DR1: variants seen among roughly 807,000 people sequenced by gnomAD.
DR1 encodes the protein down-regulator of transcription 1.
Under a neutral mutation model 19.9 loss-of-function variants are expected in DR1, and 7 were observed. The ratio of observed to expected loss-of-function variants is 0.35; its 90% CI spans 0.20 to 0.66. The LOEUF (loss-of-function observed/expected upper bound fraction) is 0.66, where lower values mean the gene tolerates loss of function less well. Among genes scored for constraint, DR1 ranks in the 30% least tolerant of loss-of-function variants. The probability of loss-of-function intolerance (pLI) is 0.66; values close to 1 mark genes in which losing one functional copy is unlikely to be tolerated. For synonymous variants in DR1, 76 were observed against 72.5 expected (o/e 1.05, Z -0.24); for missense variants, 98 against 203.7 (o/e 0.48, Z 3.16).
rs1191321666 is a variant in DR1 at position 93,363,348 on chromosome 1, A to AATT, written c.*2710_*2711insTTA. On this transcript the variant is annotated 3_prime_UTR_variant, in exon 3 of 3. Transcript: ENST00000370272. ...TTAGTTTCTTGTTGCCACTGTAACAAACTACCACAAACTTAGTGACTTAAA... is the reference window on the plus strand; with the variant it reads ...TTAGTTTCTTGTTGCCACTGTAACAAATTACTACCACAAACTTAGTGACTTAAA... The AATT allele has an allele frequency of 2.0e-5, 3 of 152,252 alleles. No homozygotes were observed. The highest frequency in any genetic ancestry group is 2.9e-5 in the Non-Finnish European group (2 of 68,090). The allele number at this position is 152,252 out of a possible 1,614,324, so 9.4% of individuals were successfully genotyped here. A position where few individuals can be genotyped will look rare whatever the true frequency, so the allele number is the denominator to read the frequency against.
intron 1 of DR1, among the ~76,000 whole-genome samples, chr1:93,347,089 G>T (rs1345234426): frequency 6.6e-6 from 1 of 152,180 alleles, no homozygotes; most frequent in Non-Finnish European, 1.5e-5. Context: ...AAACATTTAG[G>T]TCAGCGTCCC....
rs1667083695 is a variant in DR1 at position 93,363,576 on chromosome 1, G to A, written c.*2937G>A. The A allele has an allele frequency of 6.6e-6, 1 of 152,176 alleles. No individual in the cohort carries two copies. Among genetic ancestry groups the A allele is most frequent in the South Asian group, 2.1e-4 (1 of 4,830 alleles). 9.4% of individuals were successfully genotyped at this position (152,176 alleles called of 1,614,324 possible). On this transcript the variant is annotated 3_prime_UTR_variant, in exon 3 of 3. Coordinates refer to ENST00000370272, the MANE Select transcript of DR1 (RefSeq NM_001938.3). The stretch of plus-strand genomic sequence containing the variant: ...CTCTCTATGATCAAAGCTTGCTTTT[G>A]TCATTATATCATCTTCTCTTCTGTA...
intron 1 of DR1, among the ~76,000 whole-genome samples, chr1:93,351,375 T>TA (rs968215871): frequency 5.3e-5 from 8 of 151,440 alleles, no homozygotes; most frequent in Admixed American, 4.6e-4. Context: ...GTTATATATT[T>TA]AAAAAAAATT....
chr1:93,352,891 ATTTTTT>A (rs66850500), intron 1 of DR1, among the ~76,000 whole-genome samples: 327 of 139,450 alleles, frequency 2.3e-3, no homozygotes, highest in Middle Eastern at 3.8e-3. Context: ...GGGTGTGTGA[ATTTTTT>A]TTTTTTTTTT....
Position 93,363,902 on chromosome 1 carries a change from T to C in DR1, c.*3263T>C, listed in dbSNP as rs1337227017. On this transcript the variant is annotated 3_prime_UTR_variant, in exon 3 of 3. Coordinates refer to ENST00000370272, the MANE Select transcript of DR1 (RefSeq NM_001938.3). ...CAAAAGTTATTCATTCTCCCATTAA[T>C]AGTCTTTTGAGAATTTTTCAATTCT... 1 of 152,224 alleles carries C rather than the reference T, an allele frequency of 6.6e-6. No individual in the cohort carries two copies. The highest frequency in any genetic ancestry group is 1.5e-5 in the Non-Finnish European group (1 of 68,038). The allele number at this position is 152,224 out of a possible 1,614,324, so 9.4% of individuals were successfully genotyped here. A position where few individuals can be genotyped will look rare whatever the true frequency, so the allele number is the denominator to read the frequency against.
chr1:93,359,148 T>TA (rs1203704046), intron 2 of DR1, among the ~76,000 whole-genome samples: 11 of 152,248 alleles, frequency 7.2e-5, no homozygotes, highest in Non-Finnish European at 1.2e-4. Context: ...TGATTTTTTT[T>TA]AAAAAAATGA....
At chr1:93,351,923 T>C (rs1470460677) in intron 1 of DR1, among the ~76,000 whole-genome samples, 2 of 152,222 alleles carry the variant, frequency 1.3e-5, no homozygotes, top group Admixed American at 1.3e-4. Flanking sequence ...GGTACTCTTT[T>C]AAATTTAAAA....
chr1:93,353,330 C>T (rs1666940813), intron 1 of DR1, among the ~76,000 whole-genome samples: 1 of 151,506 alleles, frequency 6.6e-6, no homozygotes, highest in Non-Finnish European at 1.5e-5. Context: ...TTTATTTTTC[C>T]TGTTAAGTTT....
chr1:93,359,830 T>C (rs1038968832), intron 2 of DR1, among the ~76,000 whole-genome samples: 1 of 152,164 alleles, frequency 6.6e-6, no homozygotes, highest in Non-Finnish European at 1.5e-5. Flanking sequence ...AAGTAGTATC[T>C]TTTTACTAGT....
Position 93,367,866 on chromosome 1 carries a change from G to C in DR1, c.*7227G>C, listed in dbSNP as rs1037387596. ...ATCTGTGCTAAAATACAAAAAATTA[G>C]CCAGGCTTGGTGGTGTGCACCTGTA... On this transcript the variant is annotated 3_prime_UTR_variant, in exon 3 of 3. Transcript: ENST00000370272. The C allele has an allele frequency of 6.6e-6, 1 of 152,158 alleles. No homozygotes were observed. Among genetic ancestry groups the C allele is most frequent in the Non-Finnish European group, 1.5e-5 (1 of 68,048 alleles). The allele number at this position is 152,158 out of a possible 1,614,324, so 9.4% of individuals were successfully genotyped here.
rs1667179375 is a variant in DR1 at position 93,367,339 on chromosome 1, C to T, written c.*6700C>T. 1 of 152,108 alleles carries T rather than the reference C, an allele frequency of 6.6e-6. No individual in the cohort carries two copies. Among genetic ancestry groups the T allele is most frequent in the Non-Finnish European group, 1.5e-5 (1 of 68,028 alleles). 9.4% of individuals were successfully genotyped at this position (152,108 alleles called of 1,614,324 possible). Reference sequence around the variant, plus strand: ...ATAAAGTGGGCTTGCTGAGTGCTTTCATACTGCATCATTTATTGTGCATTT... The same window carrying T: ...ATAAAGTGGGCTTGCTGAGTGCTTTTATACTGCATCATTTATTGTGCATTT... On this transcript the variant is annotated 3_prime_UTR_variant, in exon 3 of 3. Transcript: ENST00000370272.
rs1259996559 is a variant in DR1, at chr1:93,365,509, C to T, written c.*4870C>T. The T allele has an allele frequency of 6.6e-6, 1 of 152,448 alleles. No homozygotes were observed. Among genetic ancestry groups the T allele is most frequent in the African/African-American group, 2.4e-5 (1 of 41,424 alleles). The allele number at this position is 152,448 out of a possible 1,614,324, so 9.4% of individuals were successfully genotyped here. A position where few individuals can be genotyped will look rare whatever the true frequency, so the allele number is the denominator to read the frequency against. Reference sequence around the variant, plus strand: ...ACCCAAAAATGTCTCCAGACATAGCCAACTGTCCCTGGGTGTTGCGAGTAT... The same window carrying T: ...ACCCAAAAATGTCTCCAGACATAGCTAACTGTCCCTGGGTGTTGCGAGTAT... On this transcript the variant is annotated 3_prime_UTR_variant, in exon 3 of 3. Coordinates refer to ENST00000370272, the MANE Select transcript of DR1 (RefSeq NM_001938.3).
Position 93,360,485 on chromosome 1 carries a change from G to T in DR1, c.385-8G>T. The T allele has an allele frequency of 3.9e-6, 6 of 1,550,472 alleles. No homozygotes were observed. The South Asian group carries it at 6.1e-5, about 16-fold the overall frequency. On this transcript the variant is annotated splice_polypyrimidine_tract_variant and splice_region_variant and intron_variant, in intron 2 of 2. Coordinates refer to ENST00000370272, the MANE Select transcript of DR1 (RefSeq NM_001938.3). The stretch of plus-strand genomic sequence containing the variant: ...ATTGTTATTTTTTTTTATGTTTTGG[G>T]TGTTTAGGCTAGACAGCAACAAGCA...
rs1557744129 is a variant in DR1, at chr1:93,346,711, CAA to C, written c.68_69del (p.Lys23ArgfsTer5). 1 of 1,614,100 alleles carries C rather than the reference CAA, an allele frequency of 6.2e-7. No homozygotes were observed. Reference protein sequence around the residue: ...IPRAAINKMIKETLPNVRVAN... With the variant: ...IPRAAINKMIXETLPNVRVAN... The stretch of plus-strand genomic sequence containing the variant: ...CCAGAGCTGCTATCAATAAAATGAT[CAA>C]AGAGACTCTTCCTAATGTCCGGGTG... On this transcript the variant is annotated frameshift_variant, in exon 1 of 3. Coordinates refer to ENST00000370272, the MANE Select transcript of DR1 (RefSeq NM_001938.3). LOFTEE classifies it high-confidence loss of function.
intron 2 of DR1, among the ~76,000 whole-genome samples, chr1:93,358,585 C>T (rs1488240694): frequency 1.3e-5 from 2 of 152,184 alleles, no homozygotes; most frequent in Non-Finnish European, 2.9e-5. Flanking sequence ...TTAGTACTAG[C>T]TTATCTATGC....
At chr1:93,358,230 C>T (rs1667013005) in intron 2 of DR1, among the ~76,000 whole-genome samples, 1 of 152,156 alleles carries the variant, frequency 6.6e-6, no homozygotes, top group African/African-American at 2.4e-5. Context: ...TAGCTCCAGA[C>T]CCACCTTTCT....
rs1470843038 is a variant in DR1 at position 93,366,857 on chromosome 1, C to T, written c.*6218C>T. The T allele has an allele frequency of 1.3e-5, 2 of 151,996 alleles. No individual in the cohort carries two copies. Among genetic ancestry groups the T allele is most frequent in the African/African-American group, 4.8e-5 (2 of 41,362 alleles). 9.4% of individuals were successfully genotyped at this position (151,996 alleles called of 1,614,324 possible). A position where few individuals can be genotyped will look rare whatever the true frequency, so the allele number is the denominator to read the frequency against. ...CTCTACAGAAAAATTCAAAAATTAG[C>T]CAGAGGTGGTGGCTTGCACCTGTAG... On this transcript the variant is annotated 3_prime_UTR_variant, in exon 3 of 3. Coordinates refer to ENST00000370272, the MANE Select transcript of DR1 (RefSeq NM_001938.3).
At chr1:93,355,999 G>A (rs904640081) in intron 2 of DR1, among the ~76,000 whole-genome samples, 2 of 152,070 alleles carry the variant, frequency 1.3e-5, no homozygotes, top group Non-Finnish European at 2.9e-5. Context: ...AATTATAAAT[G>A]AGTCATTTTA....
chr1:93,356,800 C>T (rs1033221885), intron 2 of DR1, among the ~76,000 whole-genome samples: 1 of 150,930 alleles, frequency 6.6e-6, no homozygotes, highest in Non-Finnish European at 1.5e-5. Context: ...CGGCTCATTG[C>T]AACCTCCGCC....
Sources: allele counts gnomAD v4.1 joint callset (sites outside exome capture counted in the v4.1 genomes callset), GRCh38; gene constraint gnomAD v4.1.1; transcripts MANE v1.5; gene names NCBI Gene and HGNC (gene_info 2026-07-23, HGNC 2026-07-21).